Variants in FUT8 observed in about 807,000 individuals in gnomAD.
The protein encoded by FUT8 is alpha-(1,6)-fucosyltransferase.
FUT8 carries 29 observed loss-of-function variants against 71.3 expected under a neutral mutation model. The ratio of observed to expected loss-of-function variants is 0.41; its 90% CI spans 0.30 to 0.55. FUT8 has a LOEUF of 0.55. FUT8 is among the 20% of genes least tolerant of loss of function. FUT8 has a pLI of 0.34. For synonymous variants in FUT8, 254 were observed against 239.3 expected, an observed-to-expected ratio of 1.06 and a Z score of -0.57; for missense variants, 544 against 702.1, an observed-to-expected ratio of 0.77 and a Z score of 2.55.
At chr14:65,711,310 G>C (rs1894802816) in intron 7 of FUT8, among the ~76,000 whole-genome samples, 1 of 152,160 alleles carries the variant, frequency 6.6e-6, no homozygotes. Flanking sequence ...GAGGCCTTGG[G>C]TTAATCAGAA....
intron 2 of FUT8, among the ~76,000 whole-genome samples, chr14:65,505,769 A>AT (rs936999212): frequency 3.3e-5 from 5 of 151,080 alleles, no homozygotes; most frequent in African/African-American, 9.8e-5. Flanking sequence ...TTTTTGCTAT[A>AT]TTTTTTTTCT....
intron 6 of FUT8, chr14:65,646,515 C>T (rs2268957): frequency 0.13 from 19,438 of 152,180 alleles, 1,595 homozygotes; most frequent in East Asian, 0.38. Flanking sequence ...TCCATCTCTC[C>T]TTAGAGCCTG....
chr14:65,475,775 C>G (rs2066229027), intron 2 of FUT8, among the ~76,000 whole-genome samples: 1 of 151,868 alleles, frequency 6.6e-6, no homozygotes, highest in Admixed American at 6.6e-5. Context: ...AGAGTGAGAC[C>G]TTGTCTTGGG....
chr14:65,585,319 T>G (rs1015018729), intron 3 of FUT8, among the ~76,000 whole-genome samples: 25 of 152,138 alleles, frequency 1.6e-4, no homozygotes, highest in Admixed American at 1.6e-3. Flanking sequence ...CCCAAGCAGC[T>G]GGAGGACAGG....
At chr14:65,599,156 A>G (rs1888163946) in intron 3 of FUT8, among the ~76,000 whole-genome samples, 1 of 152,202 alleles carries the variant, frequency 6.6e-6, no homozygotes, top group South Asian at 2.1e-4. Flanking sequence ...TTCCTACCTT[A>G]TAAATGAGAA....
At chr14:65,456,282 T>G (rs936992270) in intron 2 of FUT8, among the ~76,000 whole-genome samples, 1 of 152,238 alleles carries the variant, frequency 6.6e-6, no homozygotes, top group African/African-American at 2.4e-5. Context: ...ACTGATCTGC[T>G]TTCTATCCCT....
chr14:65,422,376 C>T (rs1243296894), intron 1 of FUT8, among the ~76,000 whole-genome samples: 1 of 152,182 alleles, frequency 6.6e-6, no homozygotes, highest in East Asian at 1.9e-4. Context: ...CCATCCCTTC[C>T]TGCCTTTAAT....
intron 7 of FUT8, among the ~76,000 whole-genome samples, chr14:65,692,319 C>T (rs2140442920): frequency 6.7e-6 from 1 of 149,258 alleles, no homozygotes; most frequent in Admixed American, 6.6e-5. Flanking sequence ...GCAGAGGCGC[C>T]CCTCACCTCC....
the FUT8 span, among the ~76,000 whole-genome samples, chr14:65,388,717 G>A: frequency 3.3e-5 from 5 of 152,014 alleles, no homozygotes; most frequent in South Asian, 2.1e-4. Context: ...AGCTGAGATC[G>A]CGCCACTGCA....
chr14:65,414,635 AG>A (rs2065192773), intron 1 of FUT8, among the ~76,000 whole-genome samples: 1 of 152,232 alleles, frequency 6.6e-6, no homozygotes, highest in Non-Finnish European at 1.5e-5. Context: ...GTGATTTCAC[AG>A]GTTTAGTGTG....
intron 2 of FUT8, among the ~76,000 whole-genome samples, chr14:65,560,576 A>G (rs1885866386): frequency 6.6e-6 from 1 of 152,162 alleles, no homozygotes; most frequent in African/African-American, 2.4e-5. Flanking sequence ...AATGATGGAG[A>G]AATGACAAAT....
At chr14:65,515,718 T>C (rs538266231) in intron 2 of FUT8, among the ~76,000 whole-genome samples, 1 of 152,268 alleles carries the variant, frequency 6.6e-6, no homozygotes, top group South Asian at 2.1e-4. Context: ...TTTGACATAA[T>C]CACAGAATAG....
chr14:65,412,389 C>G (rs1199919835), upstream of FUT8: 1 of 453,912 alleles, frequency 2.2e-6, no homozygotes, highest in Non-Finnish European at 4.4e-6. Flanking sequence ...ATTCCCGGCG[C>G]TGTAGGGAGC....
rs956239388 is a variant in FUT8, at chr14:65,550,137, A to T, written c.-227-11200A>T. On this transcript the variant is annotated intron_variant, in intron 2 of 10. Coordinates refer to ENST00000673929, the MANE Select transcript of FUT8 (RefSeq NM_001371533.1). The surrounding 1 kb of genome is among the most constrained non-coding windows in gnomAD (Gnocchi z 4.5). ...TCTGTAGGAGAAGCATAATGCCAGC[A>T]TCTGCTTCTGGGTGAGAGCCTCAGG... 6.6e-6 allele frequency among the ~76,000 whole-genome samples: 1 copy of T among 152,142 alleles called. No homozygotes were observed. The highest frequency in any genetic ancestry group is 2.4e-5 in the African/African-American group (1 of 41,426).
intron 2 of FUT8, among the ~76,000 whole-genome samples, chr14:65,473,396 G>A (rs2066178996): frequency 6.6e-6 from 1 of 152,036 alleles, no homozygotes; most frequent in African/African-American, 2.4e-5. Flanking sequence ...CTCTTTCACA[G>A]GACTAATTAA....
rs376160909 is a variant in FUT8, at chr14:65,733,314, G to A, written c.1343G>A (p.Arg448His). 64 of 1,609,578 alleles carry A rather than the reference G, an allele frequency of 4.0e-5. No individual in the cohort carries two copies. Among genetic ancestry groups the A allele is most frequent in the South Asian group, 2.5e-4 (23 of 90,616 alleles). ...LHNRYTENSLRGVILDIHFLS... is the reference protein window; with the variant it reads ...LHNRYTENSLHGVILDIHFLS... ...AATCGATACACAGAAAATTCACTTCGTGGAGTGATCCTGGATATACATTTT... is the reference window on the plus strand; with the variant it reads ...AATCGATACACAGAAAATTCACTTCATGGAGTGATCCTGGATATACATTTT... The change falls in exon 10 of 11, where the codon CGT (arginine) becomes CAT (histidine). Residue 448 changes from arginine (R) to histidine (H), a missense_variant. By Grantham distance (29) the Arg-to-His change is conservative. Transcript: ENST00000673929.
intron 1 of FUT8, among the ~76,000 whole-genome samples, chr14:65,450,564 G>A (rs1210016201): frequency 3.3e-5 from 5 of 152,050 alleles, no homozygotes; most frequent in Non-Finnish European, 5.9e-5. Context: ...TATTTGATGT[G>A]GATATGATAT....
chr14:65,419,210 A>C (rs1373374741), intron 1 of FUT8, among the ~76,000 whole-genome samples: 1 of 152,202 alleles, frequency 6.6e-6, no homozygotes, highest in Non-Finnish European at 1.5e-5. Context: ...CAGTGAGCCG[A>C]GATCTTGCCA....
At chr14:65,378,257 A>C in the FUT8 span, among the ~76,000 whole-genome samples, 1 of 152,116 alleles carries the variant, frequency 6.6e-6, no homozygotes, top group Non-Finnish European at 1.5e-5. Context: ...GCTGCTAAGA[A>C]AGAGGTTGAG....
Sources: allele counts gnomAD v4.1 joint callset (sites outside exome capture counted in the v4.1 genomes callset), GRCh38; gene constraint gnomAD v4.1.1; non-coding constraint Gnocchi (gnomAD v3.1); transcripts MANE v1.5; gene names NCBI Gene and HGNC (gene_info 2026-07-23, HGNC 2026-07-21).